The following DST variants were observed in gnomAD, a reference collection of about 807,000 sequenced individuals.
DST encodes the protein bullous pemphigoid antigen.
In DST, 253 loss-of-function variants were observed where a neutral mutation model predicts 875.2. The ratio of observed to expected loss-of-function variants is 0.29; its 90% confidence interval spans 0.26 to 0.32. DST has a LOEUF of 0.32. Ranked by LOEUF, DST falls within the 10% of genes least tolerant of loss-of-function variation. DST has a pLI of 1.00. For synonymous variants in DST, 3,124 were observed against 3,197.1 expected (o/e 0.98, Z 0.77); for missense variants, 8,287 against 9,111.6 (o/e 0.91, Z 3.68).
intron 3 of DST, among the ~76,000 whole-genome samples, chr6:56,884,088 G>A (rs1467895960): frequency 6.6e-6 from 1 of 151,764 alleles, no homozygotes. Flanking sequence ...CTGTGATTGT[G>A]CCACTGCACT....
In DST at chr6:56,616,309, C is replaced by T. The variant is rs986659037; in HGVS notation, c.4930-1825G>A. On this transcript the variant is annotated intron_variant, in intron 36 of 103. Transcript: ENST00000680361. ...TATCAGTCAGCATATGAGAAGAATG[C>T]CCATAGGATTCAAAAAACATAGCTT... 22 of 1,613,656 alleles carry T rather than the reference C, an allele frequency of 1.4e-5. No individual in the cohort carries two copies. The highest frequency in any genetic ancestry group is 5.3e-5 in the African/African-American group (4 of 74,872).
intron 4 of DST, chr6:56,843,299 G>A: frequency 1.5e-5 from 19 of 1,236,260 alleles, no homozygotes; most frequent in South Asian, 3.7e-5. Flanking sequence ...ACGCAGAGCG[G>A]GGGCGCAGGG....
chr6:56,775,312 C>T (rs1229965050), intron 4 of DST, among the ~76,000 whole-genome samples: 1 of 152,178 alleles, frequency 6.6e-6, no homozygotes, highest in Non-Finnish European at 1.5e-5. Flanking sequence ...AACGTCATTA[C>T]TATCCACAAA....
intron 12 of DST, among the ~76,000 whole-genome samples, chr6:56,650,325 CAAAAAAAAA>C (rs70989721): frequency 6.2e-5 from 3 of 48,700 alleles, no homozygotes; most frequent in African/African-American, 2.4e-4. Flanking sequence ...CATAACCACC[CAAAAAAAAA>C]AAAAAAAAAA....
intron 4 of DST, among the ~76,000 whole-genome samples, chr6:56,763,906 T>C (rs2099625378): frequency 6.6e-6 from 1 of 152,164 alleles, no homozygotes; most frequent in Non-Finnish European, 1.5e-5. Flanking sequence ...AAAATATTTC[T>C]GTTCTCCAGT....
chr6:56,846,514 T>C (rs1484886545), intron 4 of DST, among the ~76,000 whole-genome samples: 1 of 152,198 alleles, frequency 6.6e-6, no homozygotes, highest in African/African-American at 2.4e-5. Flanking sequence ...ACTTACAATA[T>C]CCTGTAGCTA....
intron 58 of DST, among the ~76,000 whole-genome samples, chr6:56,558,616 C>T (rs140355535): frequency 1.1e-4 from 16 of 152,178 alleles, no homozygotes; most frequent in East Asian, 7.7e-4. Context: ...GTTTCTAATA[C>T]AATTTCCCTA....
Position 56,511,276 on chromosome 6 carries a change from T to G in DST, c.18701A>C (p.Asp6234Ala). Residue 6234 changes from aspartate to alanine, a missense_variant, in exon 73 of 104, where the codon GAC (aspartate) becomes GCC (alanine). Transcript: ENST00000680361. ...TTCTTTAATTTGACTGTAAAGGGTG[T>G]CGGCTGCCACATACTTCTCTTGGAT... ...FSIQEKYVAA[D>A]TLYSQIKEDV... The G allele has an allele frequency of 6.2e-7, 1 of 1,601,712 alleles. No homozygotes were observed. The highest frequency in any genetic ancestry group is 8.5e-7 in the Non-Finnish European group (1 of 1,173,478).
At chr6:56,702,008 T>A (rs1319244028) in intron 7 of DST, 43 bp from the exon 8 acceptor site, 2 of 1,120,446 alleles carry the variant, frequency 1.8e-6, no homozygotes, top group South Asian at 2.6e-5. Flanking sequence ...GTTTCTGTTA[T>A]CACAGACCAT....
chr6:56,726,082 C>T (rs964613530), intron 5 of DST, among the ~76,000 whole-genome samples: 19 of 152,186 alleles, frequency 1.2e-4, no homozygotes, highest in Middle Eastern at 3.2e-3. Context: ...CAATAGCCTT[C>T]CCAGCTTCAA....
intron 83 of DST, 54 bp downstream of exon 83, chr6:56,493,956 C>A: frequency 7.2e-7 from 1 of 1,398,544 alleles, no homozygotes; most frequent in South Asian, 1.9e-5. Context: ...AGGCCAAGTC[C>A]AAGACATGAA....
chr6:56,498,631 A>AAT (rs779033249), intron 80 of DST, among the ~76,000 whole-genome samples: 4 of 152,148 alleles, frequency 2.6e-5, no homozygotes, highest in Non-Finnish European at 5.9e-5. Context: ...AAGTAACCAA[A>AAT]ATATATATTT....
At position 56,913,833 on chromosome 6, in the gene DST, T is replaced by C. The variant is rs542030165; in HGVS notation, c.217-13212A>G. On this transcript the variant is annotated intron_variant, in intron 2 of 103. Coordinates refer to ENST00000680361, the MANE Select transcript of DST (RefSeq NM_001374736.1). ...TAGGCAGATCAAACAGCATCTGTTA[T>C]GTTATTTCATCAAACACATAGATGA... 3.9e-5 allele frequency among the ~76,000 whole-genome samples: 6 copies of C among 152,356 alleles called. No individual in the cohort carries two copies. The South Asian group carries it at 1.0e-3, about 26-fold the overall frequency.
At position 56,742,242 on chromosome 6, in the gene DST, A is replaced by G. The variant is rs878945705; in HGVS notation, c.626-6953T>C. 6 of 1,235,934 alleles carry G rather than the reference A, an allele frequency of 4.9e-6. No individual in the cohort carries two copies. The Admixed American group carries it at 6.9e-5, about 14-fold the overall frequency. 76.6% of individuals were successfully genotyped at this position (1,235,934 alleles called of 1,614,324 possible). ...TTCCCTTCCCAGTTCTGAAAACATG[A>G]AAGTGATAGTATATGTGATACTACT... On this transcript the variant is annotated intron_variant, in intron 4 of 103. Transcript: ENST00000680361.
intron 72 of DST, among the ~76,000 whole-genome samples, chr6:56,513,360 A>G (rs1480912033): frequency 6.6e-6 from 1 of 151,968 alleles, no homozygotes; most frequent in Non-Finnish European, 1.5e-5. Context: ...CATGCCAAGT[A>G]GCTGGGATTA....
At chr6:56,595,193 G>A (rs1016692502) in intron 47 of DST, among the ~76,000 whole-genome samples, 1 of 152,126 alleles carries the variant, frequency 6.6e-6, no homozygotes, top group Non-Finnish European at 1.5e-5. Flanking sequence ...ATTACCTCCA[G>A]ATTCTTTGCT....
intron 36 of DST, chr6:56,619,936 C>T: frequency 6.2e-7 from 1 of 1,614,130 alleles, no homozygotes; most frequent in Non-Finnish European, 8.5e-7. Flanking sequence ...CATCTACCTG[C>T]TGTTTGAGTT....
chr6:56,927,415 T>C (rs1166546729), intron 2 of DST, among the ~76,000 whole-genome samples: 1 of 152,072 alleles, frequency 6.6e-6, no homozygotes, highest in Admixed American at 6.6e-5. Flanking sequence ...AAAGCAAATA[T>C]AACATTGAAA....
rs1241433992 is a variant in DST, at chr6:56,603,684, C to T, written c.10821G>A (p.Gln3607=). Reference sequence around the variant, plus strand: ...AATACTCATGCATTTTTTCAGTGTGCTGTAAACACTGCTGTAATTCACTGG... The same window carrying T: ...AATACTCATGCATTTTTTCAGTGTGTTGTAAACACTGCTGTAATTCACTGG... The part of the protein sequence containing the change: ...QFSSELQQCL[Q]HTEKMHEYLT... The change falls in exon 41 of 104, where the codon CAG becomes CAA. Residue 3607 remains glutamine, a synonymous_variant. Coordinates refer to ENST00000680361, the MANE Select transcript of DST (RefSeq NM_001374736.1). The T allele has an allele frequency of 6.2e-7, 1 of 1,606,086 alleles. No individual in the cohort carries two copies. The highest frequency in any genetic ancestry group is 1.3e-5 in the African/African-American group (1 of 74,272).
Sources: allele counts gnomAD v4.1 joint callset (sites outside exome capture counted in the v4.1 genomes callset), GRCh38; gene constraint gnomAD v4.1.1; transcripts MANE v1.5; gene names NCBI Gene and HGNC (gene_info 2026-07-23, HGNC 2026-07-21).